The following FAM133B variants were observed in gnomAD, a reference collection of about 807,000 sequenced individuals.
The protein encoded by FAM133B is family with sequence similarity 133 member B, also known as protein FAM133B.
A neutral mutation model predicts 46.4 loss-of-function variants in FAM133B; 25 were observed. The ratio of observed to expected loss-of-function variants is 0.54; its 90% CI spans 0.39 to 0.75. The LOEUF (loss-of-function observed/expected upper bound fraction) is 0.75. Among genes scored for constraint, FAM133B ranks in the 30% least tolerant of loss-of-function variants. The probability of loss-of-function intolerance (pLI) is 0.00; values close to 1 mark genes in which losing one functional copy is unlikely to be tolerated. For synonymous variants in FAM133B, 75 were observed against 86.0 expected (o/e 0.87, Z 0.71); for missense variants, 205 against 277.6 (o/e 0.74, Z 1.86).
intron 9 of FAM133B, 97 bp from the exon 10 acceptor site, chr7:92,566,158 T>A (rs1037263593): frequency 3.9e-5 from 44 of 1,126,998 alleles, no homozygotes; most frequent in Non-Finnish European, 5.3e-5. Context: ...CTTCAAAATT[T>A]AAATGTAAAA....
Position 92,569,807 on chromosome 7 carries a change from T to A in FAM133B, c.609+16A>T. The A allele has an allele frequency of 7.9e-7, 1 of 1,271,060 alleles. No homozygotes were observed. The highest frequency in any genetic ancestry group is 1.8e-5 in the South Asian group (1 of 54,746). 78.7% of individuals were successfully genotyped at this position (1,271,060 alleles called of 1,614,324 possible). ...GCATTTTAAAATAGAGAAAATGGATTTGATCATATACTTACCTCCTCAATA... is the reference window on the plus strand; with the variant it reads ...GCATTTTAAAATAGAGAAAATGGATATGATCATATACTTACCTCCTCAATA... On this transcript the variant is annotated intron_variant, in intron 9 of 10. Coordinates refer to ENST00000445716, the MANE Select transcript of FAM133B (RefSeq NM_152789.4).
intron 4 of FAM133B, 65 bp from the exon 5 acceptor site, chr7:92,578,247 A>G: frequency 1.9e-6 from 3 of 1,594,734 alleles, no homozygotes; most frequent in Non-Finnish European, 2.6e-6. Flanking sequence ...ATCTATTAAC[A>G]GTAGTATACA....
At chr7:92,590,136 G>A (rs1345307856) in intron 1 of FAM133B, 132 bp downstream of exon 1, 5 of 1,354,188 alleles carry the variant, frequency 3.7e-6, no homozygotes, top group Admixed American at 2.1e-5. Flanking sequence ...ATCGGCGGAG[G>A]GTGCTGGGTC....
chr7:92,577,736 A>C lies in FAM133B; in HGVS notation c.310-19T>G. On this transcript the variant is annotated intron_variant, in intron 5 of 10. Transcript: ENST00000445716. ...ATGAATACTTGACCAAGCACAAAAC[A>C]ATTAAAGCTTGTGAGATGCGAGAAT... 1 of 1,555,384 alleles carries C rather than the reference A, an allele frequency of 6.4e-7. No individual in the cohort carries two copies. Among genetic ancestry groups the C allele is most frequent in the Non-Finnish European group, 8.7e-7 (1 of 1,149,414 alleles).
At chr7:92,576,888 C>T (rs1007900844) in intron 7 of FAM133B, among the ~76,000 whole-genome samples, 1 of 152,048 alleles carries the variant, frequency 6.6e-6, no homozygotes, top group Non-Finnish European at 1.5e-5. Context: ...TGTCAGTTGC[C>T]ATGGAAATGT....
rs1012659330 is a variant in FAM133B, at chr7:92,590,367, G to A, written c.-76C>T. 9.3e-6 allele frequency: 15 copies of A among 1,605,350 alleles called. No homozygotes were observed. The African/African-American group carries it at 9.4e-5, about 10-fold the overall frequency. ...GACTGCCGAAGAGGGCCTGCCGCAG[G>A]TCCTCTTGCCGCCTCCCCACTCCGC... is the stretch of plus-strand genomic sequence containing the variant. On this transcript the variant is annotated 5_prime_UTR_variant, in exon 1 of 11. Transcript: ENST00000445716.
Position 92,575,837 on chromosome 7 carries a change from T to C in FAM133B, c.466-16A>G, listed in dbSNP as rs17760432. ...TTAAACTATCCTAAACAAAGAAATA[T>C]ATGTATCAATTTTAAATGCCAAGGA... On this transcript the variant is annotated splice_polypyrimidine_tract_variant and intron_variant, in intron 7 of 10. Transcript: ENST00000445716. 40,497 of 1,162,906 alleles carry C rather than the reference T, an allele frequency of 0.035. 820 individuals are homozygous for C. Among genetic ancestry groups the C allele is most frequent in the Non-Finnish European group, 0.04 (31,739 of 792,344 alleles). The allele number at this position is 1,162,906 out of a possible 1,614,324, so 72.0% of individuals were successfully genotyped here. A position where few individuals can be genotyped will look rare whatever the true frequency, so the allele number is the denominator to read the frequency against.
chr7:92,585,255 A>C (rs1030256230), intron 1 of FAM133B: 26 of 485,950 alleles, frequency 5.4e-5, no homozygotes, highest in Non-Finnish European at 7.0e-5. Flanking sequence ...AGGATGTAGA[A>C]CATCTTCCTC....
rs1365660539 is a variant in FAM133B, at chr7:92,579,407, G to C, written c.123-12C>G. ...CTTTTACTTCTTCCCTTAAAAAATAGAATGTACAAACAAAATTTCAAGCAA... is the reference window on the plus strand; with the variant it reads ...CTTTTACTTCTTCCCTTAAAAAATACAATGTACAAACAAAATTTCAAGCAA... On this transcript the variant is annotated splice_polypyrimidine_tract_variant and intron_variant, in intron 2 of 10. Coordinates refer to ENST00000445716, the MANE Select transcript of FAM133B (RefSeq NM_152789.4). The C allele has an allele frequency of 1.9e-6, 3 of 1,579,986 alleles. No homozygotes were observed. Among genetic ancestry groups the C allele is most frequent in the Non-Finnish European group, 2.6e-6 (3 of 1,161,750 alleles).
intron 1 of FAM133B, among the ~76,000 whole-genome samples, chr7:92,583,988 T>C (rs1794964326): frequency 7.3e-6 from 1 of 136,774 alleles, no homozygotes; most frequent in Non-Finnish European, 1.5e-5. Flanking sequence ...AGGCAGAGGT[T>C]GCAGTGAGCT....
chr7:92,573,841 T>G (rs1349637670), intron 8 of FAM133B, among the ~76,000 whole-genome samples: 2 of 152,116 alleles, frequency 1.3e-5, no homozygotes, highest in African/African-American at 2.4e-5. Flanking sequence ...AATTGGTCAT[T>G]ACAGTTTCTT....
intron 3 of FAM133B, 115 bp downstream of exon 3, chr7:92,579,202 C>G: frequency 1.3e-6 from 1 of 775,990 alleles, no homozygotes; most frequent in Non-Finnish European, 2.1e-6. Flanking sequence ...GTTGCCCAGG[C>G]TGGTCATGAA....
chr7:92,568,928 G>A (rs1290333276), intron 9 of FAM133B, among the ~76,000 whole-genome samples: 1 of 152,118 alleles, frequency 6.6e-6, no homozygotes, highest in Admixed American at 6.6e-5. Context: ...AAAGGACCAA[G>A]TGCCACTGTT....
chr7:92,565,067 AT>A (rs1455149429), intron 10 of FAM133B, among the ~76,000 whole-genome samples: 1 of 152,144 alleles, frequency 6.6e-6, no homozygotes, highest in Admixed American at 6.5e-5. Flanking sequence ...ATTATCAAAG[AT>A]AACAGAAATC....
At chr7:92,588,236 T>A (rs1349227201) in intron 1 of FAM133B, among the ~76,000 whole-genome samples, 2 of 152,206 alleles carry the variant, frequency 1.3e-5, no homozygotes, top group Non-Finnish European at 2.9e-5. Flanking sequence ...TATCAAAATG[T>A]TCTAGTAAAT....
intron 6 of FAM133B, 36 bp downstream of exon 6, chr7:92,577,619 G>A (rs1794739813): frequency 2.7e-6 from 4 of 1,490,248 alleles, no homozygotes; most frequent in Non-Finnish European, 3.6e-6. Context: ...GAAATTAAGA[G>A]ATATTATTTC....
At chr7:92,564,323 C>T (rs1794255059) in intron 10 of FAM133B, among the ~76,000 whole-genome samples, 1 of 152,162 alleles carries the variant, frequency 6.6e-6, no homozygotes. Flanking sequence ...GTATCTCTCT[C>T]ACGTATCATA....
intron 3 of FAM133B, 192 bp downstream of exon 3, chr7:92,579,125 G>T: frequency 1.8e-6 from 1 of 546,518 alleles, no homozygotes; most frequent in Non-Finnish European, 3.3e-6. Flanking sequence ...AGAGAGCTAT[G>T]CCCAAATACT....
At chr7:92,570,043 T>C (rs1240683505) in intron 8 of FAM133B, 128 bp from the exon 9 acceptor site, 1 of 417,474 alleles carries the variant, frequency 2.4e-6, no homozygotes, top group Non-Finnish European at 4.2e-6. Context: ...GTCTAAAAAG[T>C]GTAACATTTA....
Sources: gnomAD v4.1 joint callset for allele counts (sites outside exome capture counted in the v4.1 genomes callset) on GRCh38, gnomAD v4.1.1 for gene constraint, MANE v1.5 for transcripts, NCBI Gene and HGNC (gene_info 2026-07-23, HGNC 2026-07-21) for gene names.